KDM4C: variants seen among roughly 807,000 people sequenced by gnomAD.
KDM4C encodes the protein lysine-specific demethylase 4C.
KDM4C carries 81 observed loss-of-function variants against 129.3 expected under a neutral mutation model. The ratio of observed to expected loss-of-function variants is 0.63; its 90% CI spans 0.52 to 0.75. The LOEUF is 0.75. Among genes scored for constraint, KDM4C ranks in the 30% least tolerant of loss-of-function variants. The probability of loss-of-function intolerance (pLI) is 0.00; values close to 1 mark genes in which losing one functional copy is unlikely to be tolerated. For missense variants in KDM4C, 1,457 were observed against 1,304.0 expected (o/e 1.12, Z -1.81); for synonymous variants, 573 against 456.1 (o/e 1.26, Z -3.26).
intron 19 of KDM4C, among the ~76,000 whole-genome samples, chr9:7,137,766 C>G (rs781003793): frequency 6.6e-6 from 1 of 152,190 alleles, no homozygotes; most frequent in Non-Finnish European, 1.5e-5. Flanking sequence ...TCACCTCTAT[C>G]CAACCCCAGG....
chr9:7,100,131 T>G (rs1272590484), intron 17 of KDM4C, among the ~76,000 whole-genome samples: 1 of 152,166 alleles, frequency 6.6e-6, no homozygotes, highest in African/African-American at 2.4e-5. Context: ...GCGTGATGGC[T>G]CATGCCTGTA....
At chr9:6,979,853 C>T (rs1385630063) in intron 8 of KDM4C, among the ~76,000 whole-genome samples, 1 of 152,052 alleles carries the variant, frequency 6.6e-6, no homozygotes, top group Admixed American at 6.5e-5. Flanking sequence ...GGAATGTGGA[C>T]TATGTATGTA....
rs1222222321 is a variant in KDM4C, at chr9:6,951,707, A to T, written c.922-29218A>T. Reference sequence around the variant, plus strand: ...GGGAAAACACTTAACTGTATTGAGAATTTGACTGTCATTGTCCTATTTCAT... The same window carrying T: ...GGGAAAACACTTAACTGTATTGAGATTTTGACTGTCATTGTCCTATTTCAT... On this transcript the variant is annotated intron_variant, in intron 8 of 21. Transcript: ENST00000381309. Among the ~76,000 whole-genome samples, 3 of 152,198 alleles carry T rather than the reference A, an allele frequency of 2.0e-5. No homozygotes were observed. The East Asian group carries it at 5.8e-4, about 29-fold the overall frequency.
In KDM4C at chr9:7,034,213, A is replaced by G. The variant is rs185828527; in HGVS notation, c.2260-12649A>G. On this transcript the variant is annotated intron_variant, in intron 15 of 21. Transcript: ENST00000381309. ...CATTTATCATTTCTTGATGTTGGGAACATGCAATACCTCCTCTAGCTATTT... is the reference window on the plus strand; with the variant it reads ...CATTTATCATTTCTTGATGTTGGGAGCATGCAATACCTCCTCTAGCTATTT... Among the ~76,000 whole-genome samples, 44 of 152,320 alleles carry G rather than the reference A, an allele frequency of 2.9e-4. 1 individual carries two copies. In the East Asian group the frequency reaches 8.3e-3, roughly 29 times the overall value.
intron 11 of KDM4C, among the ~76,000 whole-genome samples, chr9:6,988,532 G>T (rs1427709537): frequency 1.3e-5 from 2 of 151,980 alleles, no homozygotes; most frequent in East Asian, 1.9e-4. Flanking sequence ...ATGTAATACA[G>T]CCCCACTTAA....
intron 5 of KDM4C, among the ~76,000 whole-genome samples, chr9:6,863,061 A>T (rs191291400): frequency 8.5e-5 from 13 of 152,324 alleles, no homozygotes; most frequent in Non-Finnish European, 1.6e-4. Context: ...ATAAAGATCA[A>T]ATCAGGGTAA....
At chr9:6,797,106 C>G (rs903598803) in intron 2 of KDM4C, among the ~76,000 whole-genome samples, 7 of 151,720 alleles carry the variant, frequency 4.6e-5, no homozygotes, top group African/African-American at 1.7e-4. Flanking sequence ...GTAGCTGGGA[C>G]TCAGCCTCCC....
At chr9:7,014,425 TA>T (rs1823269996) in intron 14 of KDM4C, 1 of 157,150 alleles carries the variant, frequency 6.4e-6, no homozygotes, top group East Asian at 1.9e-4. Context: ...TGTACTGAGT[TA>T]ACTTTTTTTC....
At chr9:7,022,641 T>C (rs76919358) in intron 15 of KDM4C, among the ~76,000 whole-genome samples, 19 of 122,494 alleles carry the variant, frequency 1.6e-4, no homozygotes, top group East Asian at 5.6e-4. Context: ...TTATTTCTTT[T>C]TTTTTTTTTT....
chr9:6,792,531 G>A (rs1229741331), intron 1 of KDM4C, among the ~76,000 whole-genome samples: 1 of 151,752 alleles, frequency 6.6e-6, no homozygotes, highest in Non-Finnish European at 1.5e-5. Context: ...TGGGATTACA[G>A]GCATGTACCA....
chr9:6,742,848 C>T (rs1817747408), intron 1 of KDM4C, among the ~76,000 whole-genome samples: 2 of 151,878 alleles, frequency 1.3e-5, no homozygotes, highest in South Asian at 2.1e-4. Flanking sequence ...AAACTGCTGC[C>T]GCAAACATCT....
chr9:6,790,192 C>A (rs533440328), intron 1 of KDM4C, among the ~76,000 whole-genome samples: 1 of 151,156 alleles, frequency 6.6e-6, no homozygotes, highest in African/African-American at 2.4e-5. Context: ...GCGTGAGCCA[C>A]CGCGCCTGGC....
At chr9:6,756,303 G>A (rs1389883034), upstream of KDM4C, among the ~76,000 whole-genome samples, 1 of 152,238 alleles carries the variant, frequency 6.6e-6, no homozygotes, top group Non-Finnish European at 1.5e-5. Flanking sequence ...TTCTAAGTAA[G>A]TGTTAGGTTG....
At chr9:6,733,194 C>G (rs1817409009) in intron 1 of KDM4C, among the ~76,000 whole-genome samples, 1 of 152,210 alleles carries the variant, frequency 6.6e-6, no homozygotes, top group African/African-American at 2.4e-5. Flanking sequence ...CAAAGTTGCT[C>G]TGCTTAAAAA....
At chr9:6,986,887 G>A (rs190461480) in intron 11 of KDM4C, 21 of 443,386 alleles carry the variant, frequency 4.7e-5, no homozygotes, top group Admixed American at 2.3e-4. Context: ...GCCACGTGTC[G>A]ATGCTTGATT....
chr9:6,902,003 T>C (rs1048055351), intron 8 of KDM4C, among the ~76,000 whole-genome samples: 1 of 152,218 alleles, frequency 6.6e-6, no homozygotes, highest in Non-Finnish European at 1.5e-5. Flanking sequence ...TCTGAAATCT[T>C]CCTGTGACTC....
At chr9:7,028,963 A>T (rs1826270733) in intron 15 of KDM4C, among the ~76,000 whole-genome samples, 1 of 152,170 alleles carries the variant, frequency 6.6e-6, no homozygotes, top group African/African-American at 2.4e-5. Context: ...TACCGTCTTC[A>T]GTGCCTCTTT....
intron 19 of KDM4C, among the ~76,000 whole-genome samples, chr9:7,138,716 G>C (rs1841458714): frequency 6.6e-6 from 1 of 152,084 alleles, no homozygotes; most frequent in Non-Finnish European, 1.5e-5. Flanking sequence ...CTCCTTGGGA[G>C]ACTGAGGCAG....
intron 17 of KDM4C, among the ~76,000 whole-genome samples, chr9:7,065,423 A>G (rs181393665): frequency 8.5e-5 from 13 of 152,248 alleles, no homozygotes; most frequent in Admixed American, 4.6e-4. Flanking sequence ...TTTTTCCTAG[A>G]GCCATCTGTT....
Sources: allele counts gnomAD v4.1 joint callset (sites outside exome capture counted in the v4.1 genomes callset), GRCh38; gene constraint gnomAD v4.1.1; transcripts MANE v1.5; gene names NCBI Gene and HGNC (gene_info 2026-07-23, HGNC 2026-07-21).